Variants in TNIK observed in about 807,000 individuals in gnomAD.
TNIK encodes the protein TRAF2 and NCK interacting kinase, also known as TRAF2 and NCK-interacting protein kinase.
In TNIK, 49 loss-of-function variants were observed where a neutral mutation model predicts 191.3. The ratio of observed to expected loss-of-function variants is 0.26; its 90% CI spans 0.20 to 0.32. The LOEUF is 0.32. Among genes scored for constraint, TNIK ranks in the 10% least tolerant of loss-of-function variants. TNIK has a pLI of 1.00. For synonymous variants in TNIK, 594 were observed against 600.9 expected, an observed-to-expected ratio of 0.99 and a Z score of 0.17; for missense variants, 1,155 against 1,702.3, an observed-to-expected ratio of 0.68 and a Z score of 5.66.
chr3:171,383,444 AGTTATAATCT>A (rs1718328240), intron 1 of TNIK, among the ~76,000 whole-genome samples: 2 of 152,228 alleles, frequency 1.3e-5, no homozygotes, highest in South Asian at 4.1e-4. Context: ...TGGCATGAAC[AGTTATAATCT>A]CAGCATCACT....
At chr3:171,347,153 T>C (rs1188207297) in intron 2 of TNIK, 3 of 1,527,862 alleles carry the variant, frequency 2.0e-6, no homozygotes, top group African/African-American at 2.8e-5. Context: ...CAGGAGATGA[T>C]GTCATGGGTG....
At chr3:171,281,505 G>T (rs77731711) in intron 2 of TNIK, among the ~76,000 whole-genome samples, 473 of 152,292 alleles carry the variant, frequency 3.1e-3, no homozygotes, top group Non-Finnish European at 5.5e-3. Flanking sequence ...TACAAATGGG[G>T]ATAGTAATAG....
chr3:171,413,428 C>T (rs76443746), intron 1 of TNIK, among the ~76,000 whole-genome samples: 1,867 of 152,238 alleles, frequency 0.012, 43 homozygotes, highest in African/African-American at 0.043. Context: ...AAGGACAAGG[C>T]CTCTCTGCCT....
chr3:171,198,302 A>G (rs1343993722), intron 4 of TNIK, among the ~76,000 whole-genome samples: 1 of 151,988 alleles, frequency 6.6e-6, no homozygotes, highest in Non-Finnish European at 1.5e-5. Flanking sequence ...AAGGCCATAT[A>G]TTGTATGATT....
intron 1 of TNIK, among the ~76,000 whole-genome samples, chr3:171,392,797 A>AAAAG (rs1719735987): frequency 1.4e-5 from 2 of 139,094 alleles, no homozygotes; most frequent in Admixed American, 1.4e-4. Flanking sequence ...AAAAAAAAAG[A>AAAAG]AAAGAAAGAA....
At chr3:171,302,741 G>C (rs1023356286) in intron 2 of TNIK, among the ~76,000 whole-genome samples, 5 of 152,106 alleles carry the variant, frequency 3.3e-5, no homozygotes, top group African/African-American at 1.2e-4. Flanking sequence ...AAATCAGAAG[G>C]TGTTAAATGT....
At chr3:171,296,945 TTAA>T (rs1416933954) in intron 2 of TNIK, among the ~76,000 whole-genome samples, 3 of 152,174 alleles carry the variant, frequency 2.0e-5, no homozygotes, top group Non-Finnish European at 4.4e-5. Context: ...TTCTCATAAG[TTAA>T]TAATATAACA....
At chr3:171,200,540 G>T (rs544485653) in intron 4 of TNIK, among the ~76,000 whole-genome samples, 4 of 151,992 alleles carry the variant, frequency 2.6e-5, no homozygotes, top group East Asian at 1.9e-4. Context: ...TTGGTCAGGG[G>T]TTACTTAGTA....
At chr3:171,459,905 C>T in intron 1 of TNIK, 102 bp downstream of exon 1, 2 of 1,376,654 alleles carry the variant, frequency 1.5e-6, no homozygotes, top group African/African-American at 1.5e-5. Context: ...CGCATTCTCC[C>T]GCTGCTGTCC....
chr3:171,311,147 G>A (rs575894192), intron 2 of TNIK, among the ~76,000 whole-genome samples: 27 of 150,832 alleles, frequency 1.8e-4, no homozygotes, highest in South Asian at 6.3e-4. Context: ...GAGAGAGAGA[G>A]AAAAAAAATT....
chr3:171,101,622 T>C lies in TNIK; in HGVS notation c.2418A>G (p.Ala806=). The change falls in exon 22 of 33, where the codon GCA becomes GCG. Residue 806 remains alanine (A), a synonymous_variant. Transcript: ENST00000436636. The part of the protein sequence containing the change: ...YKKAIDEDLT[A]LAKELRELRI... Reference sequence around the variant, plus strand: ...GGAGTTCTCTTAGTTCTTTGGCTAATGCCGTCAGATCCTATGAAAGAAAAA... The same window carrying C: ...GGAGTTCTCTTAGTTCTTTGGCTAACGCCGTCAGATCCTATGAAAGAAAAA... 1 of 1,613,016 alleles carries C rather than the reference T, an allele frequency of 6.2e-7. No homozygotes were observed. The highest frequency in any genetic ancestry group is 8.5e-7 in the Non-Finnish European group (1 of 1,179,340).
Position 171,069,013 on chromosome 3 carries a change from C to G in TNIK, c.3550-16G>C. ...CTGCAAAAGACTTTAAAAATCACCC[C>G]ATTAGTATCCGCATCACTCAAAGAG... On this transcript the variant is annotated splice_polypyrimidine_tract_variant and intron_variant, in intron 29 of 32. Coordinates refer to ENST00000436636, the MANE Select transcript of TNIK (RefSeq NM_015028.4). 6.2e-7 allele frequency: 1 copy of G among 1,605,150 alleles called. No individual in the cohort carries two copies. Among genetic ancestry groups the G allele is most frequent in the Non-Finnish European group, 8.5e-7 (1 of 1,175,800 alleles).
intron 7 of TNIK, among the ~76,000 whole-genome samples, chr3:171,180,752 A>G (rs1421557580): frequency 6.6e-6 from 1 of 152,196 alleles, no homozygotes; most frequent in Non-Finnish European, 1.5e-5. Flanking sequence ...TCTGCTTCCT[A>G]GGCCAGTTCT....
intron 3 of TNIK, among the ~76,000 whole-genome samples, chr3:171,213,314 C>T (rs959829488): frequency 6.6e-6 from 1 of 152,058 alleles, no homozygotes; most frequent in African/African-American, 2.4e-5. Flanking sequence ...GAAAAACGAC[C>T]TGAGGGTTTC....
chr3:171,411,815 C>G (rs370041690), intron 1 of TNIK, among the ~76,000 whole-genome samples: 1 of 152,108 alleles, frequency 6.6e-6, no homozygotes, highest in South Asian at 2.1e-4. Flanking sequence ...GAAATTACAC[C>G]GAAGCTGATC....
At chr3:171,318,665 C>T (rs1754881234) in intron 2 of TNIK, among the ~76,000 whole-genome samples, 1 of 151,884 alleles carries the variant, frequency 6.6e-6, no homozygotes, top group African/African-American at 2.4e-5. Flanking sequence ...ATCCTTTTGC[C>T]AAGATATCAA....
intron 18 of TNIK, among the ~76,000 whole-genome samples, chr3:171,120,399 C>T (rs914723071): frequency 6.6e-6 from 1 of 150,436 alleles, no homozygotes; most frequent in Non-Finnish European, 1.5e-5. Context: ...CGGCTCACTG[C>T]AAGCTCCGCT....
chr3:171,241,022 T>C (rs985653171), intron 2 of TNIK, among the ~76,000 whole-genome samples: 3 of 146,720 alleles, frequency 2.0e-5, no homozygotes, highest in Non-Finnish European at 3.0e-5. Context: ...TTCTGTTTCT[T>C]TTTTTTTCTT....
rs565648981 is a variant in TNIK at position 171,216,340 on chromosome 3, C to T, written c.181-5099G>A. On this transcript the variant is annotated intron_variant, in intron 3 of 32. Coordinates refer to ENST00000436636, the MANE Select transcript of TNIK (RefSeq NM_015028.4). ...TTGTTTAAAGCAATATCTACTTATACAATTAGTCAATGACAAGAAGTTGTT... is the reference window on the plus strand; with the variant it reads ...TTGTTTAAAGCAATATCTACTTATATAATTAGTCAATGACAAGAAGTTGTT... 6.6e-5 allele frequency among the ~76,000 whole-genome samples: 10 copies of T among 152,216 alleles called. No individual in the cohort carries two copies. The East Asian group carries it at 1.9e-3, about 29-fold the overall frequency.
Sources: gnomAD v4.1 joint callset for allele counts (sites outside exome capture counted in the v4.1 genomes callset) on GRCh38, gnomAD v4.1.1 for gene constraint, MANE v1.5 for transcripts, NCBI Gene and HGNC (gene_info 2026-07-23, HGNC 2026-07-21) for gene names.